Variants in COG5 observed in about 807,000 individuals in gnomAD.
COG5 encodes the protein component of oligomeric golgi complex 5.
Under a neutral mutation model 110.4 loss-of-function variants are expected in COG5, and 86 were observed. The ratio of observed to expected loss-of-function variants is 0.78; its 90% CI spans 0.65 to 0.93. COG5 has a LOEUF of 0.93. Among genes scored for constraint, COG5 ranks in the 40% least tolerant of loss-of-function variants. The probability of loss-of-function intolerance (pLI) is 0.00; values close to 1 mark genes in which losing one functional copy is unlikely to be tolerated. For synonymous variants in COG5, 360 were observed against 334.6 expected (o/e 1.08, Z -0.83); for missense variants, 1,077 against 987.0 (o/e 1.09, Z -1.22).
rs557534004 is a variant in COG5, at chr7:107,346,495, T to C, written c.1026+15538A>G. 2.0e-5 allele frequency among the ~76,000 whole-genome samples: 3 copies of C among 152,322 alleles called. No homozygotes were observed. The East Asian group carries it at 5.8e-4, about 29-fold the overall frequency. ...TTTTGTAAAACATTCACTTCATTAT[T>C]AGATATTACTTTTCTCTATGGGTCA... On this transcript the variant is annotated intron_variant, in intron 10 of 21. Transcript: ENST00000297135.
At chr7:107,309,715 T>C (rs1429341509) in intron 11 of COG5, among the ~76,000 whole-genome samples, 1 of 152,228 alleles carries the variant, frequency 6.6e-6, no homozygotes, top group Non-Finnish European at 1.5e-5. Flanking sequence ...GTGTCACACA[T>C]CTACATTCAC....
At chr7:107,521,561 C>T (rs987574145) in intron 6 of COG5, among the ~76,000 whole-genome samples, 5 of 152,158 alleles carry the variant, frequency 3.3e-5, no homozygotes, top group Non-Finnish European at 5.9e-5. Flanking sequence ...CTGATCATTA[C>T]AGAAAGGCAA....
intron 6 of COG5, among the ~76,000 whole-genome samples, chr7:107,451,815 C>T (rs574018995): frequency 2.0e-5 from 3 of 152,204 alleles, no homozygotes; most frequent in Admixed American, 1.3e-4. Context: ...AAATAACATA[C>T]AAAATATGTG....
chr7:107,354,884 T>C (rs1486869712), intron 10 of COG5, among the ~76,000 whole-genome samples: 1 of 152,214 alleles, frequency 6.6e-6, no homozygotes, highest in South Asian at 2.1e-4. Flanking sequence ...ACCTATCTGA[T>C]AGCAGGTCAA....
At chr7:107,419,488 A>T (rs1793119334) in intron 6 of COG5, among the ~76,000 whole-genome samples, 1 of 152,066 alleles carries the variant, frequency 6.6e-6, no homozygotes, top group Non-Finnish European at 1.5e-5. Context: ...AAAGAAAAAG[A>T]AAAAGAGAAT....
chr7:107,558,934 A>AAAAAAAT (rs1803556144), intron 1 of COG5, among the ~76,000 whole-genome samples: 1 of 75,206 alleles, frequency 1.3e-5, no homozygotes, highest in Non-Finnish European at 2.9e-5. Context: ...AAAAAAAAAA[A>AAAAAAAT]ACCATAACTA....
chr7:107,560,947 A>G (rs1327101037), intron 1 of COG5, among the ~76,000 whole-genome samples: 4 of 152,216 alleles, frequency 2.6e-5, no homozygotes, highest in Non-Finnish European at 5.9e-5. Context: ...TAGAATGCAC[A>G]AAAAGGCAGG....
At chr7:107,283,541 A>C (rs979191123) in intron 13 of COG5, 30 bp downstream of exon 13, 1 of 1,589,616 alleles carries the variant, frequency 6.3e-7, no homozygotes, top group Non-Finnish European at 8.6e-7. Context: ...CAGTCATCTT[A>C]TGGCAAGCCA....
chr7:107,209,051 G>A (rs1798974351), intron 21 of COG5: 1 of 983,262 alleles, frequency 1.0e-6, no homozygotes, highest in African/African-American at 1.7e-5. Flanking sequence ...TCCAAGCTAT[G>A]TAAATGATTC....
intron 7 of COG5, among the ~76,000 whole-genome samples, chr7:107,380,015 C>A (rs1471810668): frequency 6.6e-6 from 1 of 152,170 alleles, no homozygotes; most frequent in East Asian, 1.9e-4. Flanking sequence ...AAATTGACCA[C>A]ATAATTGGAA....
At chr7:107,414,516 C>T (rs1792552174) in intron 6 of COG5, among the ~76,000 whole-genome samples, 1 of 151,970 alleles carries the variant, frequency 6.6e-6, no homozygotes, top group African/African-American at 2.4e-5. Context: ...TCAAGCACAT[C>T]AGTCATTTTA....
intron 6 of COG5, among the ~76,000 whole-genome samples, chr7:107,479,354 G>A (rs1356548710): frequency 6.6e-6 from 1 of 151,914 alleles, no homozygotes; most frequent in African/African-American, 2.4e-5. Context: ...TCTGAGCAGG[G>A]GAATTACAAG....
At position 107,502,213 on chromosome 7, in the gene COG5, G is replaced by A. The variant is rs534962783; in HGVS notation, c.538+25024C>T. On this transcript the variant is annotated intron_variant, in intron 6 of 21. Coordinates refer to ENST00000297135, the MANE Select transcript of COG5 (RefSeq NM_006348.5). Reference sequence around the variant, plus strand: ...TCCAAAGTCCATTTTATCACTCTAAGTCTTTGCGTATTCTTAGATTAGCTC... The same window carrying A: ...TCCAAAGTCCATTTTATCACTCTAAATCTTTGCGTATTCTTAGATTAGCTC... Among the ~76,000 whole-genome samples, 7 of 152,106 alleles carry A rather than the reference G, an allele frequency of 4.6e-5. No individual in the cohort carries two copies. In the East Asian group the frequency reaches 1.4e-3, roughly 29 times the overall value.
At chr7:107,397,380 T>C (rs1355193294) in intron 7 of COG5, among the ~76,000 whole-genome samples, 1 of 152,200 alleles carries the variant, frequency 6.6e-6, no homozygotes, top group Admixed American at 6.5e-5. Flanking sequence ...CCTTGTTGAA[T>C]AGTTGAAACA....
At chr7:107,540,412 T>TAA (rs762861873) in intron 5 of COG5, among the ~76,000 whole-genome samples, 3 of 126,540 alleles carry the variant, frequency 2.4e-5, no homozygotes, top group East Asian at 2.2e-4. Flanking sequence ...ATCTCTACAA[T>TAA]AAAAAAAAAA....
chr7:107,527,696 A>G (rs1218532172), intron 5 of COG5, among the ~76,000 whole-genome samples: 1 of 152,218 alleles, frequency 6.6e-6, no homozygotes, highest in South Asian at 2.1e-4. Flanking sequence ...TTTACATTTT[A>G]CAATAAACTC....
chr7:107,273,760 T>C (rs1804469140), intron 14 of COG5, among the ~76,000 whole-genome samples: 1 of 152,112 alleles, frequency 6.6e-6, no homozygotes, highest in African/African-American at 2.4e-5. Context: ...AGGGTGGGTG[T>C]GGAGGATTCC....
intron 7 of COG5, among the ~76,000 whole-genome samples, chr7:107,380,993 A>G (rs745644515): frequency 1.1e-4 from 16 of 152,268 alleles, no homozygotes; most frequent in Non-Finnish European, 2.1e-4. Context: ...ACGTAAATCA[A>G]TAAATGTAAT....
At chr7:107,536,370 T>A (rs1163016560) in intron 5 of COG5, among the ~76,000 whole-genome samples, 2 of 152,114 alleles carry the variant, frequency 1.3e-5, no homozygotes, top group Non-Finnish European at 2.9e-5. Context: ...TATAGAAAAC[T>A]CCATCGTCTC....
Sources: allele counts gnomAD v4.1 joint callset (sites outside exome capture counted in the v4.1 genomes callset), GRCh38; gene constraint gnomAD v4.1.1; transcripts MANE v1.5; gene names NCBI Gene and HGNC (gene_info 2026-07-23, HGNC 2026-07-21).